The following F13B variants were observed in gnomAD, a reference collection of about 807,000 sequenced individuals.
The protein encoded by F13B is coagulation factor XIII B chain.
In F13B, 58 loss-of-function variants were observed where a neutral mutation model predicts 79.8. The ratio of observed to expected loss-of-function variants is 0.73; its 90% CI spans 0.59 to 0.90. The LOEUF (loss-of-function observed/expected upper bound fraction) is 0.90, where lower values mean the gene tolerates loss of function less well. F13B is among the 40% of genes least tolerant of loss of function. The pLI, the probability that F13B is intolerant of heterozygous loss-of-function variation, is 0.00. For missense variants in F13B, 773 were observed against 777.0 expected (o/e 0.99, Z 0.06); for synonymous variants, 283 against 260.3 (o/e 1.09, Z -0.84).
rs1039319844 is a variant in F13B at position 197,039,475 on chromosome 1, C to A, written c.1953-64G>T. 3 of 1,286,030 alleles carry A rather than the reference C, an allele frequency of 2.3e-6. No individual in the cohort carries two copies. In the African/African-American group the frequency reaches 4.4e-5, roughly 19 times the overall value. 79.7% of individuals were successfully genotyped at this position (1,286,030 alleles called of 1,614,324 possible). ...ATTGCAGTCAGGTGTTAATTACAAT[C>A]TCAGCCTTTCAATTTTTCATATAAT... On this transcript the variant is annotated intron_variant, in intron 11 of 11. Coordinates refer to ENST00000367412, the MANE Select transcript of F13B (RefSeq NM_001994.3).
chr1:197,041,959 C>A (rs868407937), intron 10 of F13B, among the ~76,000 whole-genome samples: 1 of 152,146 alleles, frequency 6.6e-6, no homozygotes, highest in Admixed American at 6.5e-5. Flanking sequence ...AAAGGAAGCA[C>A]TTTACAGCTT....
chr1:197,063,151 G>A, intron 1 of F13B, 94 bp from the exon 2 acceptor site: 1 of 1,082,428 alleles, frequency 9.2e-7, no homozygotes, highest in Non-Finnish European at 1.4e-6. Flanking sequence ...AGTTTTTAGA[G>A]ACACTTCAAC....
At chr1:197,047,541 T>G (rs1157107946) in intron 10 of F13B, among the ~76,000 whole-genome samples, 1 of 152,116 alleles carries the variant, frequency 6.6e-6, no homozygotes, top group Non-Finnish European at 1.5e-5. Flanking sequence ...ACACTGTTGG[T>G]GGGAGTATGA....
At chr1:197,043,617 A>G (rs1655120358) in intron 10 of F13B, among the ~76,000 whole-genome samples, 1 of 152,204 alleles carries the variant, frequency 6.6e-6, no homozygotes, top group Non-Finnish European at 1.5e-5. Flanking sequence ...CAAAGATGAT[A>G]ACTGAAATTG....
intron 8 of F13B, among the ~76,000 whole-genome samples, chr1:197,053,838 T>C (rs1655537851): frequency 6.6e-6 from 1 of 151,964 alleles, no homozygotes; most frequent in African/African-American, 2.4e-5. Flanking sequence ...TGTCATTTTC[T>C]TATGAAAGAG....
chr1:197,065,440 CACTT>C (rs1213230200), intron 1 of F13B, among the ~76,000 whole-genome samples: 1 of 152,080 alleles, frequency 6.6e-6, no homozygotes, highest in South Asian at 2.1e-4. Context: ...GCGATGGACA[CACTT>C]ACTACTGATC....
chr1:197,055,005 T>C (rs991807478), intron 8 of F13B, among the ~76,000 whole-genome samples: 4 of 152,048 alleles, frequency 2.6e-5, no homozygotes, highest in Non-Finnish European at 5.9e-5. Flanking sequence ...ACTGGTTAAA[T>C]TACATATGTA....
At position 197,057,609 on chromosome 1, in the gene F13B, T is replaced by C. The variant is rs1571565235; in HGVS notation, c.806-144A>G. On this transcript the variant is annotated intron_variant, in intron 5 of 11. Coordinates refer to ENST00000367412, the MANE Select transcript of F13B (RefSeq NM_001994.3). ...CATTCCTTTGATCCTCACCTCCTGA[T>C]GTTAACTTCCTTGTGTGATACCCCT... 10 of 901,320 alleles carry C rather than the reference T, an allele frequency of 1.1e-5. No homozygotes were observed. The Admixed American group carries it at 2.2e-4, about 20-fold the overall frequency. 55.8% of individuals were successfully genotyped at this position (901,320 alleles called of 1,614,324 possible). A position where few individuals can be genotyped will look rare whatever the true frequency, so the allele number is the denominator to read the frequency against.
At chr1:197,045,485 C>T (rs1655195446) in intron 10 of F13B, among the ~76,000 whole-genome samples, 1 of 151,964 alleles carries the variant, frequency 6.6e-6, no homozygotes, top group South Asian at 2.1e-4. Flanking sequence ...CTGAATAGAC[C>T]AATAACAGGG....
At chr1:197,051,430 C>G (rs1048375316) in intron 9 of F13B, among the ~76,000 whole-genome samples, 2 of 151,906 alleles carry the variant, frequency 1.3e-5, no homozygotes, top group African/African-American at 4.8e-5. Flanking sequence ...TATTATTTTC[C>G]TTTTCTTCCT....
Position 197,050,803 on chromosome 1 carries a change from T to A in F13B, c.1632A>T (p.Glu544Asp). The A allele has an allele frequency of 1.2e-6, 2 of 1,613,458 alleles. No individual in the cohort carries two copies. The highest frequency in any genetic ancestry group is 1.7e-6 in the Non-Finnish European group (2 of 1,179,640). The change falls in exon 10 of 12, where the codon GAA (glutamate) becomes GAT (aspartate). Residue 544 changes from glutamate (E) to aspartate (D), a missense_variant. Physicochemically the swap from Glu to Asp is conservative, Grantham distance 45. Transcript: ENST00000367412. ...VIISSTVDTY[E>D]NGSSVEYRCF... ...ATCTGTATTCTACTGAAGAGCCATTTTCATAGGTGTCTACTGTTGAACTAA... is the reference window on the plus strand; with the variant it reads ...ATCTGTATTCTACTGAAGAGCCATTATCATAGGTGTCTACTGTTGAACTAA...
chr1:197,043,155 C>T (rs1205176135), intron 10 of F13B, among the ~76,000 whole-genome samples: 3 of 152,010 alleles, frequency 2.0e-5, no homozygotes, highest in Non-Finnish European at 4.4e-5. Flanking sequence ...TTACAGTGGG[C>T]ATTTGGCAGT....
Position 197,044,078 on chromosome 1 carries a change from G to C in F13B, c.1739-3343C>G, listed in dbSNP as rs145908310. On this transcript the variant is annotated intron_variant, in intron 10 of 11. Coordinates refer to ENST00000367412, the MANE Select transcript of F13B (RefSeq NM_001994.3). ...ATATTTATATATATATAGAGAGAGA[G>C]AGAGAAAGAGAGAGAGGGAGAGATT... Among the ~76,000 whole-genome samples the C allele has an allele frequency of 4.5e-3, 677 of 151,916 alleles. 5 individuals carry two copies. The highest frequency in any genetic ancestry group is 0.015 in the African/African-American group (618 of 41,430).
intron 8 of F13B, 138 bp from the exon 9 acceptor site, chr1:197,052,972 C>CAT: frequency 5.7e-6 from 3 of 526,292 alleles, no homozygotes; most frequent in Non-Finnish European, 1.0e-5. Context: ...CTCTCACACA[C>CAT]ATATATATAT....
At chr1:197,052,581 G>T in intron 9 of F13B, 53 bp downstream of exon 9, 1 of 1,213,508 alleles carries the variant, frequency 8.2e-7, no homozygotes, top group Non-Finnish European at 1.2e-6. Flanking sequence ...TTTCAACCGA[G>T]GTAGCAGATA....
Position 197,060,523 on chromosome 1 carries a change from TAAAG to T in F13B, c.644_647del (p.Ser215Ter), listed in dbSNP as rs1655812620. 7 of 1,592,332 alleles carry T rather than the reference TAAAG, an allele frequency of 4.4e-6. No individual in the cohort carries two copies. The highest frequency in any genetic ancestry group is 6.0e-6 in the Non-Finnish European group (7 of 1,166,306). ...GAAAATAACCATTTTCAATTAATCT[TAAAG>T]AAGAGCACTTTAATTCTGCAAATAA... On this transcript the variant is annotated frameshift_variant, in exon 5 of 12. Coordinates refer to ENST00000367412, the MANE Select transcript of F13B (RefSeq NM_001994.3). LOFTEE classifies it high-confidence loss of function.
chr1:197,059,259 T>A lies in F13B; in HGVS notation c.805+1107A>T, dbSNP rs868014911. Among the ~76,000 whole-genome samples the A allele has an allele frequency of 9.9e-5, 15 of 152,050 alleles. No individual in the cohort carries two copies. The Middle Eastern group carries it at 0.014, about 138-fold the overall frequency. ...TAAGGAATAATAGACTTTAAAAAAATTTGCTTAAAAAATCTACTTCTCTAC... is the reference window on the plus strand; with the variant it reads ...TAAGGAATAATAGACTTTAAAAAAAATTGCTTAAAAAATCTACTTCTCTAC... On this transcript the variant is annotated intron_variant, in intron 5 of 11. Coordinates refer to ENST00000367412, the MANE Select transcript of F13B (RefSeq NM_001994.3).
Position 197,060,993 on chromosome 1 carries a change from G to A in F13B, c.534C>T (p.Tyr178=), listed in dbSNP as rs201540754. The change falls in exon 4 of 12, where the codon TAC becomes TAT. Residue 178 remains tyrosine, a synonymous_variant. Transcript: ENST00000367412. ...KTFKVKDKVQ[Y]ECATGYYTAG... ...CTGTGTAGTAGCCAGTAGCACATTC[G>A]TATTGTACTTTGTCCTTCACTTTGA... 2.4e-5 allele frequency: 38 copies of A among 1,609,886 alleles called. No homozygotes were observed. Among genetic ancestry groups the A allele is most frequent in the African/African-American group, 6.7e-5 (5 of 74,864 alleles).
At chr1:197,064,567 G>A (rs1655982118) in intron 1 of F13B, among the ~76,000 whole-genome samples, 1 of 152,074 alleles carries the variant, frequency 6.6e-6, no homozygotes, top group Non-Finnish European at 1.5e-5. Flanking sequence ...ACTAATCCAT[G>A]ATAATAGAAG....
Sources: allele counts gnomAD v4.1 joint callset (sites outside exome capture counted in the v4.1 genomes callset), GRCh38; gene constraint gnomAD v4.1.1; transcripts MANE v1.5; gene names NCBI Gene and HGNC (gene_info 2026-07-23, HGNC 2026-07-21).